The following NDUFAF6 variants were observed in gnomAD, a reference collection of about 807,000 sequenced individuals.
NDUFAF6 encodes NADH dehydrogenase (ubiquinone) complex I, assembly factor 6.
In NDUFAF6, 45 loss-of-function variants were observed where a neutral mutation model predicts 40.8. The ratio of observed to expected loss-of-function variants is 1.10; its 90% CI spans 0.87 to 1.42. The LOEUF is 1.42. NDUFAF6 is among the 40% of genes most tolerant of loss of function. The probability of loss-of-function intolerance (pLI) is 0.00; values close to 1 mark genes in which losing one functional copy is unlikely to be tolerated. For synonymous variants in NDUFAF6, 185 were observed against 155.9 expected, an observed-to-expected ratio of 1.19 and a Z score of -1.39; for missense variants, 435 against 418.5, an observed-to-expected ratio of 1.04 and a Z score of -0.34.
intron 2 of NDUFAF6, among the ~76,000 whole-genome samples, chr8:95,006,904 G>A (rs977955971): frequency 7.3e-5 from 11 of 151,624 alleles, no homozygotes. Flanking sequence ...TACTTTAAAG[G>A]TGCAATATTG....
chr8:94,927,768 A>T (rs1820026784), intron 1 of NDUFAF6: 1 of 152,592 alleles, frequency 6.6e-6, no homozygotes, highest in South Asian at 2.1e-4. Flanking sequence ...CTGCTTGTGT[A>T]CACCACATAT....
downstream of NDUFAF6, among the ~76,000 whole-genome samples, chr8:95,106,726 C>A (rs1809852774): frequency 6.6e-6 from 1 of 152,156 alleles, no homozygotes; most frequent in African/African-American, 2.4e-5. Context: ...TTTTTGCAAT[C>A]TATCCATCTG....
At chr8:95,105,017 A>G (rs1046853255), downstream of NDUFAF6, among the ~76,000 whole-genome samples, 2 of 151,622 alleles carry the variant, frequency 1.3e-5, no homozygotes, top group East Asian at 1.9e-4. Flanking sequence ...AGAAGTGCAC[A>G]GAGAAGCAAT....
At chr8:95,069,564 G>A (rs991881149) in intron 9 of NDUFAF6, among the ~76,000 whole-genome samples, 2 of 151,408 alleles carry the variant, frequency 1.3e-5, no homozygotes, top group African/African-American at 4.9e-5. Context: ...AGGATTACCT[G>A]AGGTCAGGAG....
downstream of NDUFAF6, among the ~76,000 whole-genome samples, chr8:95,118,016 T>G (rs1275162327): frequency 6.6e-6 from 1 of 152,238 alleles, no homozygotes; most frequent in East Asian, 1.9e-4. Context: ...TGCTTGGGTC[T>G]TTCATCTGAT....
downstream of NDUFAF6, among the ~76,000 whole-genome samples, chr8:95,080,983 CAG>C (rs1409275809): frequency 1.3e-5 from 2 of 152,104 alleles, no homozygotes; most frequent in Non-Finnish European, 2.9e-5. Flanking sequence ...TACTCAAGGA[CAG>C]AGTGCTGATC....
At chr8:94,940,256 G>A (rs772641163) in intron 1 of NDUFAF6, 1 of 1,558,096 alleles carries the variant, frequency 6.4e-7, no homozygotes, top group Non-Finnish European at 8.7e-7. Flanking sequence ...CACATGTGTT[G>A]TTGAAGAGTC....
intron 1 of NDUFAF6, among the ~76,000 whole-genome samples, chr8:94,969,398 T>C (rs1303515642): frequency 6.6e-6 from 1 of 152,118 alleles, no homozygotes; most frequent in Admixed American, 6.5e-5. Flanking sequence ...CCACTGGATT[T>C]GAAAAGTAGC....
rs747815172 is a variant in NDUFAF6, at chr8:94,904,674, T to TTTTG, written c.-936+8763_-936+8766dup. ...TCCCTTGTGTTCCTTGTCATTTGTT[T>TTTTG]TTTGTTTGTTTGTTTGTTTTTTGCA... is the stretch of plus-strand genomic sequence containing the variant. On this transcript the variant is annotated intron_variant, in intron 1 of 14. Coordinates refer to the NDUFAF6 transcript ENST00000396113. Among the ~76,000 whole-genome samples the TTTTG allele has an allele frequency of 2.6e-5, 4 of 152,128 alleles. No individual in the cohort carries two copies. In the East Asian group the frequency reaches 7.7e-4, roughly 29 times the overall value.
exon 10 of NDUFAF6, chr8:95,075,875 G>A: frequency 2.5e-6 from 1 of 406,236 alleles, no homozygotes; most frequent in Non-Finnish European, 4.6e-6. Context: ...GACAAACACA[G>A]GTCGATGTTA....
intron 6 of NDUFAF6, 24 bp from the exon 7 acceptor site, chr8:95,048,433 T>G: frequency 6.5e-7 from 1 of 1,543,472 alleles, no homozygotes; most frequent in Non-Finnish European, 9.0e-7. Context: ...AGGTTCCTAA[T>G]ATAATGTATA....
At chr8:95,034,197 T>G (rs759442896) in intron 2 of NDUFAF6, 1 of 401,038 alleles carries the variant, frequency 2.5e-6, no homozygotes, top group East Asian at 7.1e-5. Context: ...TGTCTACATA[T>G]GTATATATAC....
At chr8:94,911,569 G>T (rs534257085) in intron 1 of NDUFAF6, among the ~76,000 whole-genome samples, 1 of 152,222 alleles carries the variant, frequency 6.6e-6, no homozygotes, top group Non-Finnish European at 1.5e-5. Flanking sequence ...AGATCCAGCA[G>T]ATAATCACTG....
chr8:95,118,031 G>A (rs891074418), downstream of NDUFAF6, among the ~76,000 whole-genome samples: 3 of 152,164 alleles, frequency 2.0e-5, no homozygotes, highest in African/African-American at 7.2e-5. Context: ...TCTGATTGCC[G>A]TCAGGTGTTG....
intron 1 of NDUFAF6, among the ~76,000 whole-genome samples, chr8:94,898,036 C>T: frequency 6.6e-6 from 1 of 152,066 alleles, no homozygotes; most frequent in East Asian, 1.9e-4. Context: ...CATTAATAGA[C>T]TTTATTTTTT....
intron 1 of NDUFAF6, among the ~76,000 whole-genome samples, chr8:94,899,651 A>T (rs1817887627): frequency 6.6e-6 from 1 of 152,206 alleles, no homozygotes. Flanking sequence ...ATTTATCACC[A>T]AATTCCTTTC....
chr8:95,105,066 CAGAGAGAG>C (rs55705930), downstream of NDUFAF6, among the ~76,000 whole-genome samples: 1,475 of 72,738 alleles, frequency 0.02, 24 homozygotes, highest in African/African-American at 0.037. Context: ...CACACACACA[CAGAGAGAG>C]AGAGAGAGAG....
chr8:95,087,032 G>T (rs7011919), intron 2 of NDUFAF6, among the ~76,000 whole-genome samples: 84,305 of 151,682 alleles, frequency 0.56, 23,686 homozygotes, highest in East Asian at 0.76. Context: ...TTAGCAGTTT[G>T]TGGGAGTTAC....
At chr8:94,911,745 G>A (rs2131225523) in intron 1 of NDUFAF6, among the ~76,000 whole-genome samples, 1 of 152,344 alleles carries the variant, frequency 6.6e-6, no homozygotes, top group East Asian at 1.9e-4. Flanking sequence ...TAAAGTTCAA[G>A]CTCACCTGGA....
Sources: allele counts gnomAD v4.1 joint callset (sites outside exome capture counted in the v4.1 genomes callset), GRCh38; gene constraint gnomAD v4.1.1; transcripts MANE v1.5; gene names NCBI Gene and HGNC (gene_info 2026-07-23, HGNC 2026-07-21).